ABI3BP: variants seen among roughly 807,000 people sequenced by gnomAD.
ABI3BP encodes the protein ABI family member 3 binding protein, also known as target of Nesh-SH3.
A neutral mutation model predicts 268.6 loss-of-function variants in ABI3BP; 216 were observed. That is an observed-to-expected ratio of 0.80 (90% CI 0.72 to 0.90). The LOEUF (loss-of-function observed/expected upper bound fraction) is 0.90. Ranked by LOEUF, ABI3BP falls within the 40% of genes least tolerant of loss-of-function variation. The pLI is 0.00. For missense variants in ABI3BP, 2,090 were observed against 2,182.4 expected (o/e 0.96, Z 0.84); for synonymous variants, 730 against 730.0 (o/e 1.00, Z 0.00).
chr3:100,911,661 C>A, intron 2 of ABI3BP: 1 of 735,154 alleles, frequency 1.4e-6, no homozygotes. Context: ...AGTTTTATAA[C>A]CTAGTTGTTC....
At chr3:100,849,889 T>A (rs1006226670) in intron 17 of ABI3BP, among the ~76,000 whole-genome samples, 156 bp downstream of exon 17, 1 of 152,218 alleles carries the variant, frequency 6.6e-6, no homozygotes, top group Non-Finnish European at 1.5e-5. Flanking sequence ...TAAGGCTAAG[T>A]AGTCAGATTC....
chr3:100,845,945 T>C (rs2098762193), intron 20 of ABI3BP, among the ~76,000 whole-genome samples: 1 of 151,956 alleles, frequency 6.6e-6, no homozygotes, highest in Non-Finnish European at 1.5e-5. Flanking sequence ...TCTTGGAGCA[T>C]TGGGAAAATA....
At chr3:100,882,200 C>T (rs531398306) in intron 6 of ABI3BP, among the ~76,000 whole-genome samples, 45 of 152,144 alleles carry the variant, frequency 3.0e-4, no homozygotes, top group African/African-American at 1.0e-3. Flanking sequence ...AAAAGCAAAA[C>T]ATGTGAAATT....
chr3:100,901,279 G>A (rs1013763502), intron 3 of ABI3BP, among the ~76,000 whole-genome samples: 6 of 152,104 alleles, frequency 3.9e-5, no homozygotes, highest in African/African-American at 1.4e-4. Flanking sequence ...AGAGGGGAGG[G>A]AATTGTGGCA....
chr3:100,758,421 T>C (rs2095754320), intron 63 of ABI3BP, among the ~76,000 whole-genome samples: 1 of 152,226 alleles, frequency 6.6e-6, no homozygotes, highest in African/African-American at 2.4e-5. Flanking sequence ...ATCATATTTG[T>C]ATCTCTAGAT....
At chr3:100,950,167 T>C (rs893813696) in intron 1 of ABI3BP, among the ~76,000 whole-genome samples, 6 of 152,204 alleles carry the variant, frequency 3.9e-5, no homozygotes, top group Admixed American at 1.3e-4. Context: ...ATATAGATGC[T>C]GTTTATATCC....
At chr3:100,920,403 T>A (rs1561662707) in intron 2 of ABI3BP, among the ~76,000 whole-genome samples, 1 of 152,046 alleles carries the variant, frequency 6.6e-6, no homozygotes, top group Non-Finnish European at 1.5e-5. Context: ...TGTGCTAGAG[T>A]CTATATTAGC....
At chr3:100,899,703 T>A (rs2049307010) in intron 3 of ABI3BP, among the ~76,000 whole-genome samples, 1 of 152,154 alleles carries the variant, frequency 6.6e-6, no homozygotes, top group Admixed American at 6.5e-5. Context: ...GCTGACTCAT[T>A]GAAAATAATT....
At chr3:100,831,610 C>T (rs2098495574) in intron 31 of ABI3BP, among the ~76,000 whole-genome samples, 1 of 152,016 alleles carries the variant, frequency 6.6e-6, no homozygotes, top group Non-Finnish European at 1.5e-5. Context: ...ACATCCCAGC[C>T]CCCTTTAATT....
intron 29 of ABI3BP, 56 bp downstream of exon 29, chr3:100,834,628 C>T (rs2098547631): frequency 1.3e-6 from 2 of 1,488,092 alleles, no homozygotes; most frequent in East Asian, 2.5e-5. Context: ...TAAACTGCCA[C>T]CCCCATGCCA....
intron 44 of ABI3BP, among the ~76,000 whole-genome samples, chr3:100,815,702 A>T (rs1244727133): frequency 6.6e-6 from 1 of 152,146 alleles, no homozygotes; most frequent in Non-Finnish European, 1.5e-5. Context: ...AGAGAGTTTC[A>T]TGCTGGACAG....
At chr3:100,990,400 T>G (rs58763253) in intron 1 of ABI3BP, among the ~76,000 whole-genome samples, 1 of 151,838 alleles carries the variant, frequency 6.6e-6, no homozygotes, top group African/African-American at 2.4e-5. Flanking sequence ...AAAACTATAG[T>G]CATTTAGTGG....
At position 100,749,586 on chromosome 3, in the gene ABI3BP, A is replaced by G. The variant is rs1027704; in HGVS notation, c.*909T>C. 6 of 388,256 alleles carry G rather than the reference A, an allele frequency of 1.5e-5. No individual in the cohort carries two copies. The highest frequency in any genetic ancestry group is 2.7e-5 in the Non-Finnish European group (6 of 225,196). The allele number at this position is 388,256 out of a possible 1,614,324, so 24.1% of individuals were successfully genotyped here. ...AACAGTTACAAAGACATTCTCTGAT[A>G]CATTCATTCATAGAGGTCTTAACGT... On this transcript the variant is annotated 3_prime_UTR_variant, in exon 68 of 68. Transcript: ENST00000471714.
chr3:100,927,857 T>C (rs769047120), intron 1 of ABI3BP, among the ~76,000 whole-genome samples: 1 of 152,026 alleles, frequency 6.6e-6, no homozygotes, highest in East Asian at 1.9e-4. Context: ...ACCTGGCCCA[T>C]AGTAATTGCT....
At chr3:100,876,654 T>C (rs2099163469) in intron 6 of ABI3BP, 94 bp from the exon 7 acceptor site, 6 of 1,145,304 alleles carry the variant, frequency 5.2e-6, no homozygotes, top group Non-Finnish European at 6.5e-6. Context: ...CCCTTTCTTG[T>C]CTTCAATGAA....
At chr3:100,946,322 A>G (rs1251575223) in intron 1 of ABI3BP, among the ~76,000 whole-genome samples, 1 of 150,668 alleles carries the variant, frequency 6.6e-6, no homozygotes, top group Non-Finnish European at 1.5e-5. Context: ...GGTGAGCCAA[A>G]TCATGCCACA....
At chr3:100,811,654 T>C in intron 47 of ABI3BP, 74 bp downstream of exon 47, 2 of 1,420,684 alleles carry the variant, frequency 1.4e-6, no homozygotes, top group Non-Finnish European at 1.9e-6. Context: ...TGAACTTTCA[T>C]ATTCCGTGGA....
chr3:100,923,370 A>G (rs1311720139), intron 2 of ABI3BP, among the ~76,000 whole-genome samples: 1 of 152,204 alleles, frequency 6.6e-6, no homozygotes. Context: ...AATGTAAATT[A>G]TTTTGATATG....
At chr3:100,818,607 T>C (rs1173957280) in intron 40 of ABI3BP, 26 bp from the exon 41 acceptor site, 4 of 1,506,434 alleles carry the variant, frequency 2.7e-6, no homozygotes, top group Non-Finnish European at 3.6e-6. Context: ...GAAATAAACT[T>C]GTGAAAAGCC....
Sources: gnomAD v4.1 joint callset for allele counts (sites outside exome capture counted in the v4.1 genomes callset) on GRCh38, gnomAD v4.1.1 for gene constraint, MANE v1.5 for transcripts, NCBI Gene and HGNC (gene_info 2026-07-23, HGNC 2026-07-21) for gene names.